SFMBT1: variants seen among roughly 807,000 people sequenced by gnomAD.
SFMBT1 encodes scm-like with four MBT domains protein 1.
In SFMBT1, 32 loss-of-function variants were observed where a neutral mutation model predicts 108.7. The ratio of observed to expected loss-of-function variants is 0.29; its 90% CI spans 0.22 to 0.40. The LOEUF (loss-of-function observed/expected upper bound fraction) is 0.40. SFMBT1 is among the 10% of genes least tolerant of loss of function. SFMBT1 has a pLI of 1.00. For synonymous variants in SFMBT1, 348 were observed against 369.5 expected, an observed-to-expected ratio of 0.94 and a Z score of 0.67; for missense variants, 816 against 1,059.6, an observed-to-expected ratio of 0.77 and a Z score of 3.19.
chr3:53,034,134 C>A (rs938519645), intron 1 of SFMBT1, among the ~76,000 whole-genome samples: 2 of 148,090 alleles, frequency 1.4e-5, no homozygotes, highest in Non-Finnish European at 3.0e-5. Context: ...TCAGGTACTT[C>A]TTTTTAAATA....
chr3:52,988,565 CAAT>C (rs1288240623), intron 1 of SFMBT1, among the ~76,000 whole-genome samples: 3 of 151,936 alleles, frequency 2.0e-5, no homozygotes, highest in African/African-American at 7.2e-5. Context: ...CATTTAACAA[CAAT>C]GATACTAGGA....
intron 1 of SFMBT1, among the ~76,000 whole-genome samples, chr3:53,013,192 T>C (rs1378468803): frequency 6.6e-6 from 1 of 151,820 alleles, no homozygotes; most frequent in Non-Finnish European, 1.5e-5. Context: ...TTTCCAGTGA[T>C]GGGCTCTAAG....
At chr3:52,987,065 A>G (rs1704947834) in intron 1 of SFMBT1, among the ~76,000 whole-genome samples, 1 of 152,186 alleles carries the variant, frequency 6.6e-6, no homozygotes, top group African/African-American at 2.4e-5. Flanking sequence ...GACCAGGATC[A>G]TCAATATCGT....
chr3:52,980,710 C>T (rs974145857), intron 1 of SFMBT1, among the ~76,000 whole-genome samples: 6 of 151,444 alleles, frequency 4.0e-5, no homozygotes, highest in Admixed American at 6.6e-5. Flanking sequence ...TGCAGCTACG[C>T]CAACAGGTGC....
intron 1 of SFMBT1, among the ~76,000 whole-genome samples, chr3:53,031,313 C>G (rs1353327169): frequency 6.6e-6 from 1 of 152,188 alleles, no homozygotes; most frequent in African/African-American, 2.4e-5. Context: ...CCACACAGAA[C>G]CAGACTGCTG....
chr3:53,028,623 T>C (rs940292177), intron 1 of SFMBT1, among the ~76,000 whole-genome samples: 2 of 152,070 alleles, frequency 1.3e-5, no homozygotes, highest in East Asian at 1.9e-4. Flanking sequence ...TAATGTGCTA[T>C]CATGATCATA....
chr3:52,928,100 G>A, intron 9 of SFMBT1, 91 bp downstream of exon 9: 8 of 1,508,310 alleles, frequency 5.3e-6, no homozygotes, highest in Non-Finnish European at 6.3e-6. Flanking sequence ...GGCAGGAGGA[G>A]AGGGACAAAA....
intron 1 of SFMBT1, among the ~76,000 whole-genome samples, chr3:52,978,203 G>A (rs1704584243): frequency 6.6e-6 from 1 of 152,024 alleles, no homozygotes; most frequent in Non-Finnish European, 1.5e-5. Context: ...GGTAACATAT[G>A]GACAAAGACT....
intron 1 of SFMBT1, among the ~76,000 whole-genome samples, chr3:52,985,705 C>G (rs772988953): frequency 6.6e-6 from 1 of 152,134 alleles, no homozygotes; most frequent in African/African-American, 2.4e-5. Flanking sequence ...CTAGATGGTG[C>G]GGCCTACTAT....
chr3:52,965,370 G>A (rs1261454174), intron 2 of SFMBT1, among the ~76,000 whole-genome samples: 26 of 145,936 alleles, frequency 1.8e-4, no homozygotes, highest in African/African-American at 6.6e-4. Context: ...GGGACAATAA[G>A]ATAAGCTTAA....
chr3:52,907,697 C>T lies in SFMBT1; in HGVS notation c.1943G>A (p.Gly648Glu). The T allele has an allele frequency of 1.2e-6, 2 of 1,611,542 alleles. No homozygotes were observed. The highest frequency in any genetic ancestry group is 1.3e-5 in the African/African-American group (1 of 74,674). ...YYGKKKNKRIGRPPGGHSNLA... is the reference protein window; with the variant it reads ...YYGKKKNKRIERPPGGHSNLA... ...GTTACTATGCCCACCAGGTGGCCTCCCAATTCTTTTATTTTTCTTCTTTCC... is the reference window on the plus strand; with the variant it reads ...GTTACTATGCCCACCAGGTGGCCTCTCAATTCTTTTATTTTTCTTCTTTCC... Residue 648 changes from glycine (G) to glutamate (E), a missense_variant, in exon 18 of 21, where the codon GGG becomes GAG. This residue lies in a region of SFMBT1 where 177 missense variants were observed against 182.0 expected (regional missense o/e 0.97). Transcript: ENST00000394752.
rs1052340462 is a variant in SFMBT1, at chr3:52,966,327, G to GA, written c.28+2773dup. Among the ~76,000 whole-genome samples the GA allele has an allele frequency of 4.2e-3, 239 of 57,150 alleles. 1 individual carries two copies. Among genetic ancestry groups the GA allele is most frequent in the Middle Eastern group, 0.016 (1 of 64 alleles). 37.5% of individuals were successfully genotyped at this position (57,150 alleles called of 152,430 possible). A position where few individuals can be genotyped will look rare whatever the true frequency, so the allele number is the denominator to read the frequency against. ...ACAGAGCAAGACTCCCGTCTCAAAA[G>GA]AAAAAAAAAAGGACTAAAGCCGGCG... On this transcript the variant is annotated intron_variant, in intron 2 of 20. Transcript: ENST00000394752.
rs1703495526 is a variant in SFMBT1, at chr3:52,949,550, T to TTATTA, written c.123+4762_123+4766dup. Reference sequence around the variant, plus strand: ...TCTTCTTGAAGAACTGACCCCTTTATTATTATGTAATGTCCTTCTTTTTTT... The same window carrying TTATTA: ...TCTTCTTGAAGAACTGACCCCTTTATTATTATATTATGTAATGTCCTTCTTTTTTT... On this transcript the variant is annotated intron_variant, in intron 3 of 20. Transcript: ENST00000394752. 6.6e-5 allele frequency among the ~76,000 whole-genome samples: 10 copies of TTATTA among 151,868 alleles called. No individual in the cohort carries two copies. In the South Asian group the frequency reaches 2.1e-3, roughly 32 times the overall value.
intron 1 of SFMBT1, among the ~76,000 whole-genome samples, chr3:52,978,059 C>T (rs1169285426): frequency 6.6e-6 from 1 of 152,026 alleles, no homozygotes; most frequent in African/African-American, 2.4e-5. Flanking sequence ...AATCTCTGCC[C>T]TCATGAAGCT....
chr3:52,906,142 C>T lies in SFMBT1; in HGVS notation c.2431G>A (p.Ala811Thr). Reference protein sequence around the residue: ...VVRFIRSTDCAPLARIFLDQE... With the variant: ...VVRFIRSTDCTPLARIFLDQE... ...TCTAGGAATATTCTTGCTAATGGAG[C>T]ACAGTCAGTGGATCTGATGAACCGC... The change falls in exon 20 of 21, where the codon GCT becomes ACT. Residue 811 changes from alanine (A) to threonine (T), a missense_variant. Physicochemically the swap from Ala to Thr is moderately conservative, Grantham distance 58. Transcript: ENST00000394752. The T allele has an allele frequency of 1.2e-6, 2 of 1,614,084 alleles. No homozygotes were observed. The highest frequency in any genetic ancestry group is 2.2e-5 in the South Asian group (2 of 91,088).
At chr3:52,936,073 T>A (rs1235564953) in intron 4 of SFMBT1, among the ~76,000 whole-genome samples, 2 of 152,172 alleles carry the variant, frequency 1.3e-5, no homozygotes, top group African/African-American at 2.4e-5. Flanking sequence ...TGGAATAAGT[T>A]ATACCCTTCC....
intron 13 of SFMBT1, among the ~76,000 whole-genome samples, chr3:52,917,440 G>C (rs1702393579): frequency 6.6e-6 from 1 of 152,154 alleles, no homozygotes; most frequent in Admixed American, 6.5e-5. Flanking sequence ...CAAGGACACA[G>C]CCAGAAGACA....
chr3:52,934,820 A>T lies in SFMBT1; in HGVS notation c.446T>A (p.Leu149Gln), dbSNP rs1702956536. Residue 149 changes from leucine (L) to glutamine (Q), a missense_variant, in exon 5 of 21, where the codon CTA (leucine) becomes CAA (glutamine). Physicochemically the swap from Leu to Gln is moderately radical, Grantham distance 113 (BLOSUM62 -2). Around this residue, in one of 5 missense-constraint regions of SFMBT1, gnomAD observed 495 missense variants for 607.4 expected, o/e 0.81. Coordinates refer to ENST00000394752, the MANE Select transcript of SFMBT1 (RefSeq NM_016329.4). ...IGACSPPVPL[L>Q]EGLRNGRNPL... The stretch of plus-strand genomic sequence containing the variant: ...GCATGTAGTAATACTCACGCCCTCT[A>T]GCAGCGGAACAGGAGGACTACATGC... 1 of 1,613,170 alleles carries T rather than the reference A, an allele frequency of 6.2e-7. No individual in the cohort carries two copies. Among genetic ancestry groups the T allele is most frequent in the South Asian group, 1.1e-5 (1 of 90,874 alleles).
rs367727549 is a variant in SFMBT1 at position 52,945,136 on chromosome 3, TA to T, written c.124-1544del. Among the ~76,000 whole-genome samples the T allele has an allele frequency of 2.0e-3, 96 of 48,512 alleles. 4 individuals carry two copies. The highest frequency in any genetic ancestry group is 3.2e-3 in the Admixed American group (15 of 4,714). 31.8% of individuals were successfully genotyped at this position (48,512 alleles called of 152,430 possible). ...TGATTTCCAAATACCACCTTCCAAT[TA>T]AAAAAAAAAAAAAACAAGGACTTCA... On this transcript the variant is annotated intron_variant, in intron 3 of 20. Coordinates refer to ENST00000394752, the MANE Select transcript of SFMBT1 (RefSeq NM_016329.4).
Sources: gnomAD v4.1 joint callset for allele counts (sites outside exome capture counted in the v4.1 genomes callset) on GRCh38, gnomAD v4.1.1 for gene constraint, gnomAD v4.1.1 regional missense constraint, MANE v1.5 for transcripts, NCBI Gene and HGNC (gene_info 2026-07-23, HGNC 2026-07-21) for gene names.